Variants in LAT2 observed in about 807,000 individuals in gnomAD.
The protein encoded by LAT2 is linker for activation of T cells family member 2, also known as linker for activation of T-cells family member 2.
In LAT2, 23 loss-of-function variants were observed where a neutral mutation model predicts 43.4. The ratio of observed to expected loss-of-function variants is 0.53; its 90% CI spans 0.38 to 0.75. The LOEUF (loss-of-function observed/expected upper bound fraction) is 0.75. Among genes scored for constraint, LAT2 ranks in the 30% least tolerant of loss-of-function variants. The probability of loss-of-function intolerance (pLI) is 0.00; values close to 1 mark genes in which losing one functional copy is unlikely to be tolerated. For missense variants in LAT2, 284 were observed against 310.2 expected (o/e 0.92, Z 0.64); for synonymous variants, 128 against 123.2 (o/e 1.04, Z -0.26).
rs1802286150 is a variant in LAT2, at chr7:74,221,669, G to A, written c.365G>A (p.Gly122Glu). 6.2e-7 allele frequency: 1 copy of A among 1,613,206 alleles called. No individual in the cohort carries two copies. The highest frequency in any genetic ancestry group is 1.7e-5 in the Admixed American group (1 of 59,900). The change falls in exon 10 of 14, where the codon GGG (glycine) becomes GAG (glutamate). Residue 122 changes from glycine to glutamate, a missense_variant. Coordinates refer to ENST00000460943, the MANE Select transcript of LAT2 (RefSeq NM_032464.3). ...DPIAMEYYNW[G>E]RFSKPPEDDD... ...ATTGCCATGGAGTATTACAACTGGGGGCGGTTCTCGAAGCCCCCAGAAGGT... is the reference window on the plus strand; with the variant it reads ...ATTGCCATGGAGTATTACAACTGGGAGCGGTTCTCGAAGCCCCCAGAAGGT...
rs375164659 is a variant in LAT2 at position 74,220,352 on chromosome 7, G to A, written c.265+98G>A. On this transcript the variant is annotated intron_variant, in intron 7 of 13. Transcript: ENST00000460943. The surrounding 1 kb of genome is among the most constrained non-coding windows in gnomAD (Gnocchi z 4.5). Reference sequence around the variant, plus strand: ...ACAGGCGTCGTGCAGTGGGGGCTGCGGGGCCAGGCGAGGCCTCCCCAGGAG... The same window carrying A: ...ACAGGCGTCGTGCAGTGGGGGCTGCAGGGCCAGGCGAGGCCTCCCCAGGAG... 154 of 1,421,546 alleles carry A rather than the reference G, an allele frequency of 1.1e-4. 1 individual carries two copies. Among genetic ancestry groups the A allele is most frequent in the Admixed American group, 7.6e-5 (4 of 52,760 alleles). The allele number at this position is 1,421,546 out of a possible 1,614,324, so 88.1% of individuals were successfully genotyped here.
intron 11 of LAT2, 68 bp downstream of exon 11, chr7:74,223,851 C>T: frequency 6.5e-7 from 1 of 1,532,950 alleles, no homozygotes; most frequent in Non-Finnish European, 9.0e-7. Context: ...GGTGCCCCTG[C>T]ACTCCCCACT....
Position 74,223,746 on chromosome 7 carries a change from G to C in LAT2, c.411G>C (p.Glu137Asp), listed in dbSNP as rs980946211. ...CAGATGATGATGCCAATTCCTACGA[G>C]AATGTGCTCATTTGCAAGCAGAAAA... ...PPEDDDANSY[E>D]NVLICKQKTT... The change falls in exon 11 of 14, where the codon GAG (glutamate) becomes GAC (aspartate). Residue 137 changes from glutamate (E) to aspartate (D), a missense_variant. Transcript: ENST00000460943. 3 of 1,613,962 alleles carry C rather than the reference G, an allele frequency of 1.9e-6. No individual in the cohort carries two copies. Among genetic ancestry groups the C allele is most frequent in the Non-Finnish European group, 2.5e-6 (3 of 1,179,984 alleles).
At position 74,224,750 on chromosome 7, in the gene LAT2, CAAG is replaced by C. The variant is rs1329935449; in HGVS notation, c.*14_*16del. The C allele has an allele frequency of 3.8e-6, 6 of 1,575,346 alleles. No homozygotes were observed. Among genetic ancestry groups the C allele is most frequent in the African/African-American group, 2.7e-5 (2 of 74,376 alleles). On this transcript the variant is annotated 3_prime_UTR_variant, in exon 13 of 14. Transcript: ENST00000460943. ...GCAGCCACAGAAGCCTAGGGCAGAC[CAAG>C]AAGAAAGGTACAGCCCCTGCTCTCC...
chr7:74,212,058 C>T (rs1191222530), intron 1 of LAT2, among the ~76,000 whole-genome samples: 2 of 152,080 alleles, frequency 1.3e-5, no homozygotes, highest in Non-Finnish European at 1.5e-5. Context: ...ATTCTCTTGC[C>T]TCAGTGTCCC....
At chr7:74,224,343 C>A (rs1802405259) in intron 12 of LAT2, 146 bp downstream of exon 12, 6 of 959,758 alleles carry the variant, frequency 6.3e-6, no homozygotes, top group African/African-American at 1.6e-5. Flanking sequence ...GCTGCAGAGA[C>A]CTTGAACCAC....
chr7:74,214,700 AAT>A (rs1481365764), intron 1 of LAT2, 120 bp from the exon 2 acceptor site: 3 of 84,404 alleles, frequency 3.6e-5, no homozygotes, highest in East Asian at 6.2e-4. Context: ...AATATATATA[AAT>A]ATATATAAAT....
intron 10 of LAT2, 21 bp downstream of exon 10, chr7:74,221,713 G>A (rs534005355): frequency 1.6e-4 from 249 of 1,590,538 alleles, no homozygotes; most frequent in African/African-American, 3.5e-4. Flanking sequence ...GGACAAAGCC[G>A]GAGGTGGAGG....
intron 12 of LAT2, 28 bp from the exon 13 acceptor site, chr7:74,224,611 G>A (rs782068625): frequency 2.8e-5 from 44 of 1,556,224 alleles, no homozygotes; most frequent in African/African-American, 1.8e-4. Flanking sequence ...TGAACCACTC[G>A]ATGACCTGTC....
intron 9 of LAT2, 92 bp from the exon 10 acceptor site, chr7:74,221,545 G>C (rs1802280314): frequency 1.1e-6 from 1 of 894,730 alleles, no homozygotes. Flanking sequence ...GCAATGGTGG[G>C]AGCAGCCCTG....
Position 74,224,691 on chromosome 7 carries a change from G to C in LAT2, c.681G>C (p.Glu227Asp), listed in dbSNP as rs202101280. Residue 227 changes from glutamate (E) to aspartate (D), a missense_variant, in exon 13 of 14, where the codon GAG becomes GAC. Glu to Asp is a conservative substitution (Grantham distance 45). Coordinates refer to ENST00000460943, the MANE Select transcript of LAT2 (RefSeq NM_032464.3). ...SPGPVGSPDE[E>D]DGEPDYVNGE... ...GCCCGGTGGGAAGCCCAGACGAGGAGGACGGGGAACCGGATTACGTGAATG... is the reference window on the plus strand; with the variant it reads ...GCCCGGTGGGAAGCCCAGACGAGGACGACGGGGAACCGGATTACGTGAATG... The C allele has an allele frequency of 3.1e-6, 5 of 1,608,768 alleles. No individual in the cohort carries two copies. Among genetic ancestry groups the C allele is most frequent in the African/African-American group, 1.3e-5 (1 of 74,822 alleles).
intron 13 of LAT2, among the ~76,000 whole-genome samples, chr7:74,228,392 C>T (rs1292885475): frequency 2.6e-5 from 4 of 151,228 alleles, no homozygotes; most frequent in African/African-American, 9.7e-5. Flanking sequence ...AAGAGAATGG[C>T]GTGAACCCGG....
rs1554713897 is a variant in LAT2 at position 74,214,626 on chromosome 7, ATAT to A, written c.-218-195_-218-193del. On this transcript the variant is annotated intron_variant, in intron 1 of 13. Coordinates refer to ENST00000460943, the MANE Select transcript of LAT2 (RefSeq NM_032464.3). ...AATATATATAAATATATATATGAAT[ATAT>A]ATATATATATATGAAAATATATATA... Among the ~76,000 whole-genome samples the A allele has an allele frequency of 3.6e-3, 65 of 17,946 alleles. 21 individuals carry two copies. The highest frequency in any genetic ancestry group is 9.6e-3 in the African/African-American group (26 of 2,712). The allele number at this position is 17,946 out of a possible 152,430, so 11.8% of individuals were successfully genotyped here.
chr7:74,219,994 C>T lies in LAT2; in HGVS notation c.213C>T (p.Asp71=). The change falls in exon 6 of 14, where the codon GAC becomes GAT. Residue 71 remains aspartate, a synonymous_variant. Transcript: ENST00000460943. The stretch of plus-strand genomic sequence containing the variant: ...AGGCATGGCCAGGACCCCTGGCGGA[C>T]ATGGCACCCACAAGGTAGGTCACAG... The part of the protein sequence containing the change: ...VGQAWPGPLA[D]MAPTRKDKLL... 6.2e-7 allele frequency: 1 copy of T among 1,613,696 alleles called. No homozygotes were observed. The highest frequency in any genetic ancestry group is 8.5e-7 in the Non-Finnish European group (1 of 1,179,978).
At position 74,220,430 on chromosome 7, in the gene LAT2, G is replaced by C; in HGVS notation, c.266-154G>C. ...TCCTGGAATCGGCCTGGCAGGGGGA[G>C]GGTGCACACTCGCACATGCCCCACT... On this transcript the variant is annotated intron_variant, in intron 7 of 13. Transcript: ENST00000460943. This position sits in a 1 kb window ranked among gnomAD's most constrained non-coding sequence, Gnocchi z 4.5. The C allele has an allele frequency of 8.2e-7, 1 of 1,212,300 alleles. No homozygotes were observed. The highest frequency in any genetic ancestry group is 1.2e-6 in the Non-Finnish European group (1 of 841,410). The allele number at this position is 1,212,300 out of a possible 1,614,324, so 75.1% of individuals were successfully genotyped here.
At chr7:74,224,797 A>G in intron 13 of LAT2, 37 bp downstream of exon 13, 1 of 1,423,850 alleles carries the variant, frequency 7.0e-7, no homozygotes, top group East Asian at 2.5e-5. Flanking sequence ...TGGGCCAAGG[A>G]TTGGAGGTCT....
intron 3 of LAT2, 123 bp downstream of exon 3, chr7:74,216,192 C>A: frequency 1.3e-6 from 1 of 762,098 alleles, no homozygotes; most frequent in Non-Finnish European, 2.1e-6. Flanking sequence ...TGATGTGACC[C>A]CTGACCCCTA....
Position 74,220,070 on chromosome 7 carries a change from G to T in LAT2, c.227+62G>T. 1 of 1,590,198 alleles carries T rather than the reference G, an allele frequency of 6.3e-7. No homozygotes were observed. Among genetic ancestry groups the T allele is most frequent in the East Asian group, 2.3e-5 (1 of 44,258 alleles). ...AGTCCTGGAGGTCCTCACCTGGTGA[G>T]CCCAGGTCAAGACCTCCCTCCCTCC... On this transcript the variant is annotated intron_variant, in intron 6 of 13. Transcript: ENST00000460943. The surrounding 1 kb of genome is among the most constrained non-coding windows in gnomAD (Gnocchi z 4.5).
At chr7:74,224,567 T>C in intron 12 of LAT2, 72 bp from the exon 13 acceptor site, 1 of 1,334,072 alleles carries the variant, frequency 7.5e-7, no homozygotes. Flanking sequence ...TCTGGGGGTC[T>C]GAGTCTGGGG....
Sources: allele counts gnomAD v4.1 joint callset (sites outside exome capture counted in the v4.1 genomes callset), GRCh38; gene constraint gnomAD v4.1.1; non-coding constraint Gnocchi (gnomAD v3.1); transcripts MANE v1.5; gene names NCBI Gene and HGNC (gene_info 2026-07-23, HGNC 2026-07-21).